Variants in IL1RAPL1 observed in about 807,000 individuals in gnomAD.
The protein encoded by IL1RAPL1 is interleukin 1 receptor accessory protein like 1.
Under a neutral mutation model 48.4 loss-of-function variants are expected in IL1RAPL1, and 3 were observed. That is an observed-to-expected ratio of 0.06 (90% CI 0.03 to 0.16). The LOEUF (loss-of-function observed/expected upper bound fraction) is 0.16, where lower values mean the gene tolerates loss of function less well. IL1RAPL1 is among the 10% of genes least tolerant of loss of function. IL1RAPL1 has a pLI of 1.00. For missense variants in IL1RAPL1, 349 were observed against 530.6 expected (o/e 0.66, Z 3.36); for synonymous variants, 185 against 187.7 (o/e 0.99, Z 0.12).
chrX:29,846,403 G>T (rs771444717), intron 6 of IL1RAPL1, among the ~76,000 whole-genome samples: 1 of 111,750 alleles, frequency 8.9e-6, no homozygotes, highest in African/African-American at 3.2e-5. Context: ...GGAAGAAATA[G>T]ACTCAAAAGT....
At chrX:28,999,430 A>T (rs1925797099) in intron 2 of IL1RAPL1, among the ~76,000 whole-genome samples, 1 of 111,217 alleles carries the variant, frequency 9.0e-6, no homozygotes, top group Admixed American at 9.6e-5. Context: ...TGCTAGCCCA[A>T]TCCCTGAGTT....
intron 2 of IL1RAPL1, among the ~76,000 whole-genome samples, chrX:28,915,394 G>A (rs1923464703): frequency 9.0e-6 from 1 of 111,654 alleles, no homozygotes; most frequent in Non-Finnish European, 1.9e-5. Context: ...TAATGTAATG[G>A]CAAGTCCTCA....
chrX:29,432,050 GACA>G (rs1174893868), intron 5 of IL1RAPL1, among the ~76,000 whole-genome samples: 1 of 110,999 alleles, frequency 9.0e-6, no homozygotes, highest in African/African-American at 3.3e-5. Flanking sequence ...TTAGCCATAG[GACA>G]ACAATAAAAA....
At chrX:29,594,006 C>A (rs931888356) in intron 5 of IL1RAPL1, among the ~76,000 whole-genome samples, 1 of 112,259 alleles carries the variant, frequency 8.9e-6, no homozygotes, top group African/African-American at 3.2e-5. Flanking sequence ...GGTTTTGTTT[C>A]ATTTACAGCC....
chrX:29,190,768 A>T (rs1454469595), intron 2 of IL1RAPL1, among the ~76,000 whole-genome samples: 1 of 112,511 alleles, frequency 8.9e-6, no homozygotes, highest in South Asian at 3.6e-4. Context: ...GGCTTATGCC[A>T]ATACATTCAG....
chrX:29,847,990 T>A (rs1931282194), intron 6 of IL1RAPL1, among the ~76,000 whole-genome samples: 1 of 111,521 alleles, frequency 9.0e-6, no homozygotes, highest in Admixed American at 9.5e-5. Flanking sequence ...TAAAAAATGA[T>A]CTGATGTAAT....
intron 5 of IL1RAPL1, among the ~76,000 whole-genome samples, chrX:29,543,720 C>A (rs1415248020): frequency 1.8e-5 from 2 of 110,984 alleles, no homozygotes; most frequent in Non-Finnish European, 3.8e-5. Flanking sequence ...TTGACCCCTG[C>A]CATATGATTC....
chrX:29,707,584 G>A (rs984026254), intron 6 of IL1RAPL1, among the ~76,000 whole-genome samples: 1 of 112,191 alleles, frequency 8.9e-6, no homozygotes, highest in African/African-American at 3.2e-5. Flanking sequence ...GTATATGTAT[G>A]CTATAGAATA....
At chrX:28,740,972 T>C (rs1236648787) in intron 1 of IL1RAPL1, among the ~76,000 whole-genome samples, 1 of 112,176 alleles carries the variant, frequency 8.9e-6, no homozygotes, top group Non-Finnish European at 1.9e-5. Context: ...CGTGTGTGTT[T>C]GCACACACAT....
intron 5 of IL1RAPL1, among the ~76,000 whole-genome samples, chrX:29,657,743 C>T (rs1925724352): frequency 9.1e-6 from 1 of 110,283 alleles, no homozygotes; most frequent in African/African-American, 3.3e-5. Context: ...TGCATACTGC[C>T]TCATTGCTAG....
intron 6 of IL1RAPL1, among the ~76,000 whole-genome samples, chrX:29,838,983 A>G (rs1931075667): frequency 8.9e-6 from 1 of 112,010 alleles, no homozygotes; most frequent in Non-Finnish European, 1.9e-5. Flanking sequence ...CCAGCATTGC[A>G]GCCTGAGCTT....
intron 6 of IL1RAPL1, among the ~76,000 whole-genome samples, chrX:29,669,732 T>C (rs1926093930): frequency 9.0e-6 from 1 of 111,684 alleles, no homozygotes; most frequent in South Asian, 3.7e-4. Flanking sequence ...GTCATATAAA[T>C]GCAAGTAGTA....
chrX:29,890,557 A>G (rs933383962), intron 6 of IL1RAPL1, among the ~76,000 whole-genome samples: 6 of 112,285 alleles, frequency 5.3e-5, no homozygotes, highest in Admixed American at 1.9e-4. Context: ...AAGGAAAAAG[A>G]TGATGATTTG....
chrX:29,089,749 A>AAAATAT (rs1363357019), intron 2 of IL1RAPL1, among the ~76,000 whole-genome samples: 1 of 16,983 alleles, frequency 5.9e-5, no homozygotes, highest in Non-Finnish European at 9.3e-5. Flanking sequence ...GAGAAATATG[A>AAAATAT]ATATATATAT....
chrX:29,163,107 A>G (rs1454172523), intron 2 of IL1RAPL1, among the ~76,000 whole-genome samples: 1 of 110,608 alleles, frequency 9.0e-6, no homozygotes, highest in Non-Finnish European at 1.9e-5. Flanking sequence ...AGAAAAGTTC[A>G]CTAAAGCTAA....
At chrX:29,093,239 T>A (rs1928129757) in intron 2 of IL1RAPL1, among the ~76,000 whole-genome samples, 1 of 111,081 alleles carries the variant, frequency 9.0e-6, no homozygotes, top group East Asian at 2.8e-4. Flanking sequence ...AGCATAAGGC[T>A]GGCATCTGCT....
intron 2 of IL1RAPL1, among the ~76,000 whole-genome samples, chrX:29,153,037 C>A (rs1929497174): frequency 8.9e-6 from 1 of 111,865 alleles, no homozygotes; most frequent in Non-Finnish European, 1.9e-5. Flanking sequence ...ATCATGGCTG[C>A]ATTCTTTTCT....
At chrX:29,338,206 T>G (rs1243759478) in intron 3 of IL1RAPL1, among the ~76,000 whole-genome samples, 1 of 111,105 alleles carries the variant, frequency 9.0e-6, no homozygotes, top group Non-Finnish European at 1.9e-5. Context: ...GAGAGGCATA[T>G]AAATTTAATC....
chrX:28,946,261 A>G (rs1332440900), intron 2 of IL1RAPL1, among the ~76,000 whole-genome samples: 1 of 110,845 alleles, frequency 9.0e-6, no homozygotes, highest in Non-Finnish European at 1.9e-5. Context: ...TCTGTCTACA[A>G]TAACTTCAAT....
Sources: allele counts gnomAD v4.1 joint callset (sites outside exome capture counted in the v4.1 genomes callset), GRCh38; gene constraint gnomAD v4.1.1; transcripts MANE v1.5; gene names NCBI Gene and HGNC (gene_info 2026-07-23, HGNC 2026-07-21).